MUC5AC: variants seen among roughly 807,000 people sequenced by gnomAD.
MUC5AC encodes the protein mucin-5AC.
Under a neutral mutation model 169.7 loss-of-function variants are expected in MUC5AC, and 158 were observed. The ratio of observed to expected loss-of-function variants is 0.93; its 90% CI spans 0.82 to 1.06. The LOEUF is 1.06. Among genes scored for constraint, MUC5AC ranks in the 50% least tolerant of loss-of-function variants. MUC5AC has a pLI of 0.00. For synonymous variants in MUC5AC, 1,975 were observed against 1,237.0 expected (o/e 1.60, Z -12.52); for missense variants, 4,359 against 3,089.9 (o/e 1.41, Z -9.74).
intron 1 of MUC5AC, among the ~76,000 whole-genome samples, chr11:1,158,816 C>T (rs1015896777): frequency 1.2e-4 from 18 of 152,222 alleles, no homozygotes; most frequent in Non-Finnish European, 2.4e-4. Flanking sequence ...GAGACCGCCA[C>T]ATGGCCCACC....
intron 44 of MUC5AC, 28 bp downstream of exon 44, chr11:1,199,024 TG>T: frequency 1.3e-6 from 1 of 763,218 alleles, no homozygotes; most frequent in Non-Finnish European, 2.4e-6. Context: ...GCCCCGACCC[TG>T]CCCTGGCTCT....
chr11:1,175,837 G>GCACTCACACCCCACTTATGCAA (rs1554926831), intron 19 of MUC5AC, among the ~76,000 whole-genome samples: 1 of 91,368 alleles, frequency 1.1e-5, no homozygotes, highest in African/African-American at 5.0e-5. Flanking sequence ...TCATGCACAC[G>GCACTCACACCCCACTTATGCAA]CACTCACACA....
chr11:1,199,345 C>T (rs1861364008), intron 45 of MUC5AC, 26 bp from the exon 46 acceptor site: 3 of 703,566 alleles, frequency 4.3e-6, no homozygotes, highest in African/African-American at 1.8e-5. Flanking sequence ...GAGGGTCACT[C>T]ACCCCGGGGC....
chr11:1,181,238 C>A (rs1860808544), intron 29 of MUC5AC, 33 bp from the exon 30 acceptor site: 1 of 398,368 alleles, frequency 2.5e-6, no homozygotes. Flanking sequence ...CTGCGCCCAG[C>A]CTCTGACGGG....
chr11:1,191,140 C>A lies in MUC5AC; in HGVS notation c.12995C>A (p.Ala4332Asp). ...GTTCCCACCACCAGCACAACCTCTG[C>A]TCCTATAACCAGCACAACCTCTGGT... ...SPVPTTSTTSAPITSTTSGPG... is the reference protein window; with the variant it reads ...SPVPTTSTTSDPITSTTSGPG... Residue 4332 changes from alanine (A) to aspartate (D), a missense_variant, in exon 31 of 49, where the codon GCT becomes GAT. Transcript: ENST00000621226. 1 of 698,918 alleles carries A rather than the reference C, an allele frequency of 1.4e-6. No homozygotes were observed. Among genetic ancestry groups the A allele is most frequent in the East Asian group, 2.6e-5 (1 of 38,428 alleles). The allele number at this position is 698,918 out of a possible 1,614,324, so 43.3% of individuals were successfully genotyped here.
intron 6 of MUC5AC, 143 bp downstream of exon 6, chr11:1,163,188 A>C: frequency 1.3e-6 from 1 of 775,280 alleles, no homozygotes; most frequent in Non-Finnish European, 2.2e-6. Context: ...CACAGCACAC[A>C]CGTGCACACA....
At position 1,185,043 on chromosome 11, in the gene MUC5AC, A is replaced by C; in HGVS notation, c.6898A>C (p.Thr2300Pro). 1 of 702,392 alleles carries C rather than the reference A, an allele frequency of 1.4e-6. No individual in the cohort carries two copies. The highest frequency in any genetic ancestry group is 2.0e-5 in the Admixed American group (1 of 50,736). 43.5% of individuals were successfully genotyped at this position (702,392 alleles called of 1,614,324 possible). A position where few individuals can be genotyped will look rare whatever the true frequency, so the allele number is the denominator to read the frequency against. The stretch of plus-strand genomic sequence containing the variant: ...AACAACCTCTGCCTCTCCAGCCAGC[A>C]CAACCTCTGGTCCTGGAAATACTCC... ...TRTTSASPAS[T>P]TSGPGNTPSP... The change falls in exon 31 of 49, where the codon ACA becomes CCA. Residue 2300 changes from threonine (T) to proline (P), a missense_variant. Coordinates refer to ENST00000621226, the MANE Select transcript of MUC5AC (RefSeq NM_001304359.2).
At chr11:1,160,358 G>T (rs1259759385) in intron 1 of MUC5AC, among the ~76,000 whole-genome samples, 1 of 151,996 alleles carries the variant, frequency 6.6e-6, no homozygotes, top group African/African-American at 2.4e-5. Context: ...CGGGGCGAAG[G>T]GTCCTGACGC....
chr11:1,200,661 G>A lies in MUC5AC; in HGVS notation c.16924G>A (p.Gly5642Arg), dbSNP rs372633924. The A allele has an allele frequency of 3.9e-6, 3 of 762,580 alleles. No individual in the cohort carries two copies. Among genetic ancestry groups the A allele is most frequent in the Non-Finnish European group, 7.2e-6 (3 of 416,210 alleles). The allele number at this position is 762,580 out of a possible 1,614,324, so 47.2% of individuals were successfully genotyped here. ...EPEPSQEAES[G>R]SWERGVPVSP... ...CGAGCCCAGCCAGGAGGCAGAGAGT[G>A]GGAGCTGGGAGAGAGGCGTCCCAGT... is the stretch of plus-strand genomic sequence containing the variant. The change falls in exon 49 of 49, where the codon GGG (glycine) becomes AGG (arginine). Residue 5642 changes from glycine (G) to arginine (R), a missense_variant. By Grantham distance (125) the Gly-to-Arg change is moderately radical. Transcript: ENST00000621226.
At chr11:1,160,194 GGTGGT>G (rs997053228) in intron 1 of MUC5AC, among the ~76,000 whole-genome samples, 5 of 152,134 alleles carry the variant, frequency 3.3e-5, no homozygotes, top group Non-Finnish European at 7.4e-5. Context: ...GGGTCCTCCA[GGTGGT>G]CTTGGGGCCG....
intron 15 of MUC5AC, among the ~76,000 whole-genome samples, chr11:1,171,553 CCACCCACTCACCCACTCACTTACCCATT>C (rs1860537784): frequency 8.7e-6 from 1 of 114,908 alleles, no homozygotes; most frequent in Admixed American, 8.6e-5. Context: ...ACCTACTCAA[CCACCCACTCACCCACTCACTTACCCATT>C]CACCCACTCA....
Position 1,162,066 on chromosome 11 carries a change from G to A in MUC5AC, c.371G>A (p.Arg124His), listed in dbSNP as rs770614106. The A allele has an allele frequency of 4.5e-5, 72 of 1,612,266 alleles. No individual in the cohort carries two copies. The highest frequency in any genetic ancestry group is 5.6e-5 in the Non-Finnish European group (66 of 1,179,702). Residue 124 changes from arginine to histidine, a missense_variant, in exon 4 of 49, where the codon CGC becomes CAC. Coordinates refer to ENST00000621226, the MANE Select transcript of MUC5AC (RefSeq NM_001304359.2). ...GAGGATTTTAACATCCAGCTACGCCGCAGCCAGGAGTCAGCGGCCCCCACG... is the reference window on the plus strand; with the variant it reads ...GAGGATTTTAACATCCAGCTACGCCACAGCCAGGAGTCAGCGGCCCCCACG... The part of the protein sequence containing the change: ...AYEDFNIQLR[R>H]SQESAAPTLS...
rs775060592 is a variant in MUC5AC, at chr11:1,163,908, G to A, written c.706G>A (p.Gly236Arg). 43 of 1,610,148 alleles carry A rather than the reference G, an allele frequency of 2.7e-5. No individual in the cohort carries two copies. The Admixed American group carries it at 6.0e-4, about 23-fold the overall frequency. The change falls in exon 7 of 49, where the codon GGG (glycine) becomes AGG (arginine). Residue 236 changes from glycine (G) to arginine (R), a missense_variant. Transcript: ENST00000621226. ...HNTKLTPMEF[G>R]NLQKMDDPTD... is the part of the protein sequence containing the mutation. ...CACCAAGCTGACACCCATGGAATTC[G>A]GGAACCTGCAGAAGATGGACGACCC...
At position 1,180,159 on chromosome 11, in the gene MUC5AC, G is replaced by A. The variant is rs1267229127; in HGVS notation, c.3613+9G>A. 2.4e-5 allele frequency: 6 copies of A among 246,260 alleles called. No individual in the cohort carries two copies. The highest frequency in any genetic ancestry group is 3.2e-5 in the Non-Finnish European group (5 of 158,022). The allele number at this position is 246,260 out of a possible 1,614,324, so 15.3% of individuals were successfully genotyped here. ...CGTCCGGGGCCTGGAAGGTGGGCTGGGGCCGGTCGGAGGGTGGCCTGGGCT... is the reference window on the plus strand; with the variant it reads ...CGTCCGGGGCCTGGAAGGTGGGCTGAGGCCGGTCGGAGGGTGGCCTGGGCT... On this transcript the variant is annotated intron_variant, in intron 27 of 48. Transcript: ENST00000621226.
At chr11:1,197,707 C>T in intron 41 of MUC5AC, 68 bp downstream of exon 41, 3 of 642,170 alleles carry the variant, frequency 4.7e-6, no homozygotes, top group Non-Finnish European at 8.6e-6. Context: ...TCGGCCCGGA[C>T]TTTGCTGCTG....
chr11:1,189,775 C>G lies in MUC5AC; in HGVS notation c.11630C>G (p.Thr3877Ser), dbSNP rs1385558871. 3 of 692,244 alleles carry G rather than the reference C, an allele frequency of 4.3e-6. No individual in the cohort carries two copies. The highest frequency in any genetic ancestry group is 7.9e-6 in the Non-Finnish European group (3 of 380,338). The allele number at this position is 692,244 out of a possible 1,614,324, so 42.9% of individuals were successfully genotyped here. A position where few individuals can be genotyped will look rare whatever the true frequency, so the allele number is the denominator to read the frequency against. Residue 3877 changes from threonine (T) to serine (S), a missense_variant, in exon 31 of 49, where the codon ACC (threonine) becomes AGC (serine). Physicochemically the swap from Thr to Ser is moderately conservative, Grantham distance 58 (BLOSUM62 1). Transcript: ENST00000621226. ...PTASTISAPT[T>S]STTSFHTTST... is the part of the protein sequence containing the mutation. ...GCCAGCACAATCTCTGCCCCTACAA[C>G]CAGCACAACCTCTTTCCATACAACC...
chr11:1,189,267 C>T lies in MUC5AC; in HGVS notation c.11122C>T (p.Pro3708Ser). 1.7e-6 allele frequency: 1 copy of T among 589,630 alleles called. No homozygotes were observed. The highest frequency in any genetic ancestry group is 3.0e-6 in the Non-Finnish European group (1 of 331,258). 36.5% of individuals were successfully genotyped at this position (589,630 alleles called of 1,614,324 possible). The change falls in exon 31 of 49, where the codon CCT becomes TCT. Residue 3708 changes from proline to serine, a missense_variant. Physicochemically the swap from Pro to Ser is moderately conservative, Grantham distance 74. Coordinates refer to ENST00000621226, the MANE Select transcript of MUC5AC (RefSeq NM_001304359.2). ...SAPTTSTTSA[P>S]TTSTTSTPQT... The stretch of plus-strand genomic sequence containing the variant: ...TCCCACAACGAGCACAACTTCTGCC[C>T]CTACAACCAGCACAACCTCCACTCC...
chr11:1,200,175 T>G (rs1382430821), intron 48 of MUC5AC, among the ~76,000 whole-genome samples: 2 of 152,122 alleles, frequency 1.3e-5, no homozygotes, highest in African/African-American at 4.8e-5. Flanking sequence ...GGCATCACGC[T>G]CTCCTGTTTA....
chr11:1,162,513 G>T lies in MUC5AC; in HGVS notation c.474-19G>T, dbSNP rs56285449. 3.1e-6 allele frequency: 5 copies of T among 1,608,370 alleles called. No individual in the cohort carries two copies. The African/African-American group carries it at 6.7e-5, about 21-fold the overall frequency. ...TCCTCACTGCGCTCCCAGCCCCTCA[G>T]CCCTGCCTTCCTCCACAGGGTCCTG... On this transcript the variant is annotated intron_variant, in intron 4 of 48. Coordinates refer to ENST00000621226, the MANE Select transcript of MUC5AC (RefSeq NM_001304359.2).
Sources: allele counts gnomAD v4.1 joint callset (sites outside exome capture counted in the v4.1 genomes callset), GRCh38; gene constraint gnomAD v4.1.1; transcripts MANE v1.5; gene names NCBI Gene and HGNC (gene_info 2026-07-23, HGNC 2026-07-21).